The following ERGIC1 variants were observed in gnomAD, a reference collection of about 807,000 sequenced individuals.
ERGIC1 encodes the protein endoplasmic reticulum-Golgi intermediate compartment protein 1.
A neutral mutation model predicts 38.3 loss-of-function variants in ERGIC1; 19 were observed. The ratio of observed to expected loss-of-function variants is 0.50; its 90% confidence interval spans 0.35 to 0.73. The LOEUF (loss-of-function observed/expected upper bound fraction) is 0.73, where lower values mean the gene tolerates loss of function less well. Ranked by LOEUF, ERGIC1 falls within the 30% of genes least tolerant of loss-of-function variation. The pLI is 0.01. For synonymous variants in ERGIC1, 124 were observed against 157.6 expected (o/e 0.79, Z 1.60); for missense variants, 294 against 389.2 (o/e 0.76, Z 2.06).
rs1193367049 is a variant in ERGIC1 at position 172,923,091 on chromosome 5, AGGGTT to A, written c.376-913_376-909del. 6.2e-5 allele frequency among the ~76,000 whole-genome samples: 8 copies of A among 128,660 alleles called. No individual in the cohort carries two copies. In the East Asian group the frequency reaches 1.0e-3, roughly 17 times the overall value. The allele number at this position is 128,660 out of a possible 152,430, so 84.4% of individuals were successfully genotyped here. On this transcript the variant is annotated intron_variant, in intron 5 of 9. Transcript: ENST00000393784. The stretch of plus-strand genomic sequence containing the variant: ...AGCATCTAGGAGGAGGAGGAGGAGG[AGGGTT>A]CCAGGATCATACCAAGGGTTCTAGT...
At chr5:172,895,708 G>A (rs1384597059) in intron 2 of ERGIC1, among the ~76,000 whole-genome samples, 1 of 152,102 alleles carries the variant, frequency 6.6e-6, no homozygotes, top group Non-Finnish European at 1.5e-5. Flanking sequence ...AAAGGGACAT[G>A]TGAGTCGGGC....
chr5:172,855,387 C>T lies in ERGIC1; in HGVS notation c.20+20954C>T, dbSNP rs72811968. On this transcript the variant is annotated intron_variant, in intron 1 of 9. Coordinates refer to ENST00000393784, the MANE Select transcript of ERGIC1 (RefSeq NM_001031711.3). ...ATGGTCTCGGGCCTAACCAGGACCT[C>T]GCTGGCCCATTTGCTCACTCAGTCA... 7.7e-3 allele frequency among the ~76,000 whole-genome samples: 1,178 copies of T among 152,254 alleles called. 8 individuals are homozygous for T. Among genetic ancestry groups the T allele is most frequent in the Non-Finnish European group, 0.012 (800 of 68,012 alleles).
In ERGIC1 at chr5:172,926,375, A is replaced by G. The variant is rs1049042714; in HGVS notation, c.481-134A>G. 2 of 894,402 alleles carry G rather than the reference A, an allele frequency of 2.2e-6. No individual in the cohort carries two copies. Among genetic ancestry groups the G allele is most frequent in the African/African-American group, 3.3e-5 (2 of 60,196 alleles). The allele number at this position is 894,402 out of a possible 1,614,324, so 55.4% of individuals were successfully genotyped here. On this transcript the variant is annotated intron_variant, in intron 6 of 9. Transcript: ENST00000393784. The surrounding 1 kb of genome is among the most constrained non-coding windows in gnomAD (Gnocchi z 5.2). ...CCCCTGCTGCCTCTTGCTCCCCACA[A>G]ATCCGCTGGAGCCCCCTTTTACACA...
chr5:172,902,905 T>C (rs893120562), intron 3 of ERGIC1, among the ~76,000 whole-genome samples: 1 of 152,146 alleles, frequency 6.6e-6, no homozygotes, highest in Non-Finnish European at 1.5e-5. Flanking sequence ...TTGTTTTGTA[T>C]AGATGTCATC....
intron 1 of ERGIC1, among the ~76,000 whole-genome samples, chr5:172,877,410 A>ATGTGTGTGTGTGTGTGTGTGTGTG (rs34909688): frequency 9.8e-6 from 1 of 102,316 alleles, no homozygotes. Flanking sequence ...TATTATATAT[A>ATGTGTGTGTGTGTGTGTGTGTGTG]TGTGTGTGTG....
chr5:172,945,119 A>G (rs1764093629), intron 9 of ERGIC1, among the ~76,000 whole-genome samples: 1 of 152,126 alleles, frequency 6.6e-6, no homozygotes, highest in South Asian at 2.1e-4. Context: ...GCATTCAGGA[A>G]AATGAGAGTT....
At chr5:172,927,704 C>T (rs943559757) in intron 7 of ERGIC1, among the ~76,000 whole-genome samples, 12 of 151,994 alleles carry the variant, frequency 7.9e-5, no homozygotes, top group East Asian at 1.9e-4. Context: ...CTCAGTCTCC[C>T]GAGCAGCTGG....
rs532289622 is a variant in ERGIC1, at chr5:172,908,200, C to T, written c.156-1467C>T. ...GATGGGGAGAGGATCCTGGGTTAGCCAGGTGGACTGGATGAAATCACAAGA... is the reference window on the plus strand; with the variant it reads ...GATGGGGAGAGGATCCTGGGTTAGCTAGGTGGACTGGATGAAATCACAAGA... On this transcript the variant is annotated intron_variant, in intron 3 of 9. Transcript: ENST00000393784. Among the ~76,000 whole-genome samples, 202 of 149,176 alleles carry T rather than the reference C, an allele frequency of 1.4e-3. 1 individual carries two copies. Among genetic ancestry groups the T allele is most frequent in the African/African-American group, 4.5e-3 (184 of 40,454 alleles).
chr5:172,909,514 G>A (rs115557223), intron 3 of ERGIC1, among the ~76,000 whole-genome samples, 153 bp from the exon 4 acceptor site: 3,834 of 152,142 alleles, frequency 0.025, 186 homozygotes, highest in African/African-American at 0.086. Flanking sequence ...GCCTAGACCC[G>A]TGCCTGAGGG....
At chr5:172,942,949 A>G (rs905512448) in intron 9 of ERGIC1, among the ~76,000 whole-genome samples, 1 of 152,212 alleles carries the variant, frequency 6.6e-6, no homozygotes, top group Non-Finnish European at 1.5e-5. Context: ...CTATCTGTAC[A>G]TGAAGAGAGG....
chr5:172,840,728 T>C (rs1761139884), intron 1 of ERGIC1, among the ~76,000 whole-genome samples: 1 of 152,218 alleles, frequency 6.6e-6, no homozygotes, highest in Admixed American at 6.5e-5. Context: ...ATAACCTTGC[T>C]CTTCAAAGTG....
chr5:172,871,155 G>A (rs1016063915), intron 1 of ERGIC1, among the ~76,000 whole-genome samples: 1 of 152,250 alleles, frequency 6.6e-6, no homozygotes, highest in Non-Finnish European at 1.5e-5. Context: ...GGGCTGCAGA[G>A]GTCCCCGTGG....
chr5:172,915,729 C>A (rs1034884981), intron 5 of ERGIC1: 3 of 441,640 alleles, frequency 6.8e-6, no homozygotes, highest in Non-Finnish European at 1.4e-5. Flanking sequence ...AGTGTCTTGC[C>A]CGAGGTCACA....
chr5:172,939,281 C>T (rs576987378), intron 9 of ERGIC1, among the ~76,000 whole-genome samples: 8 of 152,232 alleles, frequency 5.3e-5, no homozygotes, highest in African/African-American at 1.7e-4. Flanking sequence ...TGGAGATGTG[C>T]GCCAGACACT....
At chr5:172,856,466 T>A (rs1761551363) in intron 1 of ERGIC1, among the ~76,000 whole-genome samples, 1 of 151,868 alleles carries the variant, frequency 6.6e-6, no homozygotes, top group Admixed American at 6.6e-5. Flanking sequence ...TGGAGTGAAG[T>A]CAGTAGAGGT....
chr5:172,898,103 C>T, intron 3 of ERGIC1: 1 of 389,884 alleles, frequency 2.6e-6, no homozygotes, highest in Non-Finnish European at 4.5e-6. Context: ...GGAAAGTCAT[C>T]ACGGAGCTCG....
intron 1 of ERGIC1, chr5:172,866,918 G>A (rs1179896619): frequency 3.2e-6 from 1 of 314,280 alleles, no homozygotes; most frequent in Non-Finnish European, 6.3e-6. Context: ...AGCAGAGCAG[G>A]TGCTAGTGAT....
chr5:172,908,406 A>G (rs1165634754), intron 3 of ERGIC1, among the ~76,000 whole-genome samples: 1 of 144,808 alleles, frequency 6.9e-6, no homozygotes. Flanking sequence ...GTGAAACCCC[A>G]TCTCTACTAA....
chr5:172,914,785 C>G lies in ERGIC1; in HGVS notation c.322C>G (p.Pro108Ala). 6.2e-7 allele frequency: 1 copy of G among 1,614,192 alleles called. No individual in the cohort carries two copies. The highest frequency in any genetic ancestry group is 1.3e-5 in the African/African-American group (1 of 75,046). The change falls in exon 5 of 10, where the codon CCG becomes GCG. Residue 108 changes from proline (P) to alanine (A), a missense_variant. Pro to Ala is a conservative substitution (Grantham distance 27, BLOSUM62 -1). Around this residue, in one of 3 missense-constraint regions of ERGIC1, gnomAD observed 163 missense variants for 225.8 expected, o/e 0.72. Coordinates refer to ENST00000393784, the MANE Select transcript of ERGIC1 (RefSeq NM_001031711.3). Reference protein sequence around the residue: ...VGHIDNSMKIPLNNGAGCRFE... With the variant: ...VGHIDNSMKIALNNGAGCRFE... ...CCACATCGACAACTCCATGAAGATC[C>G]CGCTGAACAATGGGGCAGGCTGCCG...
Sources: allele counts gnomAD v4.1 joint callset (sites outside exome capture counted in the v4.1 genomes callset), GRCh38; gene constraint gnomAD v4.1.1; regional missense constraint gnomAD v4.1.1; non-coding constraint Gnocchi (gnomAD v3.1); transcripts MANE v1.5; gene names NCBI Gene and HGNC (gene_info 2026-07-23, HGNC 2026-07-21).